Variants in MAPK10 observed in about 807,000 individuals in gnomAD.
MAPK10 encodes mitogen-activated protein kinase 10.
Under a neutral mutation model 59.3 loss-of-function variants are expected in MAPK10, and 25 were observed. The ratio of observed to expected loss-of-function variants is 0.42; its 90% CI spans 0.31 to 0.59. The LOEUF is 0.59. Ranked by LOEUF, MAPK10 falls within the 20% of genes least tolerant of loss-of-function variation. The pLI, the probability that MAPK10 is intolerant of heterozygous loss-of-function variation, is 0.15. For missense variants in MAPK10, 351 were observed against 568.9 expected, an observed-to-expected ratio of 0.62 and a Z score of 3.90; for synonymous variants, 190 against 200.5, an observed-to-expected ratio of 0.95 and a Z score of 0.44.
At position 86,372,561 on chromosome 4, in the gene MAPK10, AAAG is replaced by A. The variant is rs1381536668; in HGVS notation, c.-121-17920_-121-17918del. Among the ~76,000 whole-genome samples, 122 of 20,212 alleles carry A rather than the reference AAAG, an allele frequency of 6.0e-3. 1 individual carries two copies. The highest frequency in any genetic ancestry group is 0.019 in the South Asian group (4 of 210). 13.3% of individuals were successfully genotyped at this position (20,212 alleles called of 152,430 possible). A position where few individuals can be genotyped will look rare whatever the true frequency, so the allele number is the denominator to read the frequency against. Reference sequence around the variant, plus strand: ...GAAAGAAAGAAAGAAAGAAAGAAAGAAAGAAAGAAAAGAAAAGAAAAGAAAAGA... The same window carrying A: ...GAAAGAAAGAAAGAAAGAAAGAAAGAAAAGAAAAGAAAAGAAAAGAAAAGA... On this transcript the variant is annotated intron_variant, in intron 1 of 13. Transcript: ENST00000361569.
intron 1 of MAPK10, among the ~76,000 whole-genome samples, chr4:86,481,295 C>T (rs1406695250): frequency 6.6e-6 from 1 of 152,040 alleles, no homozygotes; most frequent in Non-Finnish European, 1.5e-5. Context: ...ATCAGAGAGA[C>T]CTTGCTTCAG....
At chr4:86,045,269 T>C (rs1401052899) in intron 11 of MAPK10, among the ~76,000 whole-genome samples, 1 of 152,114 alleles carries the variant, frequency 6.6e-6, no homozygotes, top group Non-Finnish European at 1.5e-5. Context: ...AAATTTTCTA[T>C]GGTTCTTTAA....
At chr4:86,455,097 C>T (rs528451335), upstream of MAPK10, among the ~76,000 whole-genome samples, 1 of 152,168 alleles carries the variant, frequency 6.6e-6, no homozygotes, top group Non-Finnish European at 1.5e-5. Context: ...GAATTCGCCA[C>T]TACCAAAGCA....
chr4:86,480,921 TA>T (rs1486045976), intron 1 of MAPK10, among the ~76,000 whole-genome samples: 2 of 152,176 alleles, frequency 1.3e-5, no homozygotes, highest in African/African-American at 4.8e-5. Flanking sequence ...GAAATATGAT[TA>T]GACAAAAAGG....
At chr4:86,193,719 A>G (rs373549328) in intron 3 of MAPK10, 1 of 155,746 alleles carries the variant, frequency 6.4e-6, no homozygotes, top group African/African-American at 2.4e-5. Context: ...CCTAAGCTAG[A>G]CCACTTGGCT....
rs1456480841 is a variant in MAPK10 at position 86,017,708 on chromosome 4, A to C, written c.1253-338T>G. ...AATATAATTGGCCTTGGGTGAGGCC[A>C]AGGTATTTGCATTTTTATTTATTTA... On this transcript the variant is annotated intron_variant, in intron 13 of 13. Transcript: ENST00000641462. This position sits in a 1 kb window ranked among gnomAD's most constrained non-coding sequence, Gnocchi z 4.4. 6.6e-6 allele frequency among the ~76,000 whole-genome samples: 1 copy of C among 152,132 alleles called. No individual in the cohort carries two copies. The highest frequency in any genetic ancestry group is 1.5e-5 in the Non-Finnish European group (1 of 68,030).
At chr4:86,231,556 G>T (rs545654627) in intron 2 of MAPK10, among the ~76,000 whole-genome samples, 1 of 151,984 alleles carries the variant, frequency 6.6e-6, no homozygotes, top group Non-Finnish European at 1.5e-5. Flanking sequence ...CCAGCTACTC[G>T]AGAGGCTGAG....
At chr4:86,275,590 T>C (rs771743842) in intron 2 of MAPK10, among the ~76,000 whole-genome samples, 3 of 152,056 alleles carry the variant, frequency 2.0e-5, no homozygotes, top group Non-Finnish European at 2.9e-5. Flanking sequence ...AAATATGATT[T>C]TATTAGTTTG....
intron 1 of MAPK10, among the ~76,000 whole-genome samples, chr4:86,574,152 G>A (rs537088095): frequency 1.2e-4 from 18 of 151,668 alleles, no homozygotes; most frequent in East Asian, 1.2e-3. Context: ...GAGAACATGC[G>A]GTGTTTGGTT....
At chr4:86,258,842 A>C (rs942888289) in intron 2 of MAPK10, among the ~76,000 whole-genome samples, 1 of 152,074 alleles carries the variant, frequency 6.6e-6, no homozygotes, top group Non-Finnish European at 1.5e-5. Flanking sequence ...TGTTACTTAA[A>C]ATTGCAGCAC....
At chr4:86,092,399 T>G (rs1244440663) in intron 9 of MAPK10, among the ~76,000 whole-genome samples, 1 of 152,044 alleles carries the variant, frequency 6.6e-6, no homozygotes, top group African/African-American at 2.4e-5. Context: ...TAAATTTATA[T>G]AGATTTTTAT....
In MAPK10 at chr4:86,459,330, A is replaced by G. The variant is rs548010532; in HGVS notation, c.-262-104686T>C. On this transcript the variant is annotated intron_variant, in intron 1 of 4. Coordinates refer to the MAPK10 transcript ENST00000502302. ...GGGAACATAAACTAGTAAAACCACT[A>G]TGAAAAAAAGTGTGGAGATTCCTTA... 2.0e-5 allele frequency among the ~76,000 whole-genome samples: 3 copies of G among 152,362 alleles called. No homozygotes were observed. In the South Asian group the frequency reaches 6.2e-4, roughly 32 times the overall value.
At chr4:86,516,629 TTTG>T (rs923655947) in intron 1 of MAPK10, among the ~76,000 whole-genome samples, 8 of 132,964 alleles carry the variant, frequency 6.0e-5, no homozygotes, top group South Asian at 2.2e-4. Context: ...TAAGGGTTTT[TTTG>T]TTGTTGTTGT....
Position 86,134,974 on chromosome 4 carries a change from C to T in MAPK10, c.236+24324G>A, listed in dbSNP as rs529423511. ...CTCCCACCTGAATACTGCGCTTTTC[C>T]GACGGGCTTAAAAAACGGCGCACCA... is the stretch of plus-strand genomic sequence containing the variant. On this transcript the variant is annotated intron_variant, in intron 4 of 13. Coordinates refer to ENST00000641462, the MANE Select transcript of MAPK10 (RefSeq NM_138982.4). Among the ~76,000 whole-genome samples, 6 of 152,328 alleles carry T rather than the reference C, an allele frequency of 3.9e-5. No homozygotes were observed. In the South Asian group the frequency reaches 1.0e-3, roughly 26 times the overall value.
chr4:86,134,533 G>C (rs1246534356), intron 4 of MAPK10, among the ~76,000 whole-genome samples: 1 of 152,108 alleles, frequency 6.6e-6, no homozygotes, highest in African/African-American at 2.4e-5. Context: ...TTTGTTACTT[G>C]TATTTGATGT....
chr4:86,043,689 C>A (rs972701195), intron 11 of MAPK10, among the ~76,000 whole-genome samples: 4 of 152,138 alleles, frequency 2.6e-5, no homozygotes, highest in African/African-American at 9.7e-5. Flanking sequence ...GACCCACATG[C>A]AGAAAACAAA....
chr4:86,107,851 A>T (rs1322415653), intron 4 of MAPK10, among the ~76,000 whole-genome samples: 1 of 152,026 alleles, frequency 6.6e-6, no homozygotes, highest in East Asian at 1.9e-4. Flanking sequence ...CATTCACAAG[A>T]ACCAGGTGTT....
rs199576438 is a variant in MAPK10 at position 86,092,618 on chromosome 4, G to A, written c.802+5906C>T. On this transcript the variant is annotated intron_variant, in intron 9 of 13. Coordinates refer to ENST00000641462, the MANE Select transcript of MAPK10 (RefSeq NM_138982.4). ...ATACAATATGTATCTGAATATATTA[G>A]TGATATATATATATATATATTGCTA... Among the ~76,000 whole-genome samples, 652 of 114,204 alleles carry A rather than the reference G, an allele frequency of 5.7e-3. 27 individuals are homozygous for A. In the East Asian group the frequency reaches 0.11, roughly 20 times the overall value. The allele number at this position is 114,204 out of a possible 152,430, so 74.9% of individuals were successfully genotyped here.
intron 2 of MAPK10, among the ~76,000 whole-genome samples, chr4:86,297,448 G>A (rs564209820): frequency 6.6e-6 from 1 of 152,072 alleles, no homozygotes; most frequent in African/African-American, 2.4e-5. Flanking sequence ...TAGCTGCTGG[G>A]ATTACTGGTG....
Sources: gnomAD v4.1 joint callset for allele counts (sites outside exome capture counted in the v4.1 genomes callset) on GRCh38, gnomAD v4.1.1 for gene constraint, Gnocchi (gnomAD v3.1) non-coding constraint, MANE v1.5 for transcripts, NCBI Gene and HGNC (gene_info 2026-07-23, HGNC 2026-07-21) for gene names.